Variants in RABGAP1L observed in about 807,000 individuals in gnomAD.
The protein encoded by RABGAP1L is RAB GTPase activating protein 1 like.
In RABGAP1L, 63 loss-of-function variants were observed where a neutral mutation model predicts 137.7. The observed-to-expected ratio is 0.46, with a 90% confidence interval of 0.37 to 0.56. The LOEUF is 0.56. RABGAP1L is among the 20% of genes least tolerant of loss of function. The probability of loss-of-function intolerance (pLI) is 0.00; values close to 1 mark genes in which losing one functional copy is unlikely to be tolerated. For synonymous variants in RABGAP1L, 431 were observed against 433.7 expected (o/e 0.99, Z 0.08); for missense variants, 1,095 against 1,244.0 (o/e 0.88, Z 1.80).
intron 15 of RABGAP1L, among the ~76,000 whole-genome samples, chr1:174,693,963 A>G (rs77028783): frequency 0.089 from 13,588 of 152,274 alleles, 825 homozygotes; most frequent in East Asian, 0.22. Context: ...TGCAGGTTCA[A>G]CCAATCGTGG....
chr1:174,917,436 C>T (rs947568441), intron 19 of RABGAP1L, among the ~76,000 whole-genome samples: 1 of 152,072 alleles, frequency 6.6e-6, no homozygotes, highest in Non-Finnish European at 1.5e-5. Context: ...ACTGTTATGG[C>T]GATTGCAAAG....
At chr1:174,283,288 C>A (rs375016897) in intron 10 of RABGAP1L, among the ~76,000 whole-genome samples, 1 of 151,208 alleles carries the variant, frequency 6.6e-6, no homozygotes, top group South Asian at 2.2e-4. Flanking sequence ...CACCTGTGGT[C>A]CCAGCTTCTC....
rs531074898 is a variant in RABGAP1L at position 174,809,584 on chromosome 1, G to T, written c.2212-2248G>T. On this transcript the variant is annotated intron_variant, in intron 18 of 25. Transcript: ENST00000681986. ...AGAAGAGATCGCCCATCACCATTTT[G>T]GGGCATCTGTTTCCAGGTAACTAGA... is the stretch of plus-strand genomic sequence containing the variant. Among the ~76,000 whole-genome samples, 3 of 152,254 alleles carry T rather than the reference G, an allele frequency of 2.0e-5. No individual in the cohort carries two copies. The East Asian group carries it at 5.8e-4, about 29-fold the overall frequency.
chr1:174,414,150 C>G (rs1459077607), intron 13 of RABGAP1L, among the ~76,000 whole-genome samples: 1 of 152,012 alleles, frequency 6.6e-6, no homozygotes, highest in East Asian at 1.9e-4. Flanking sequence ...TTCGTGCATT[C>G]ATGATATAAT....
chr1:174,174,235 A>ACACAC (rs1665655586), intron 1 of RABGAP1L, among the ~76,000 whole-genome samples: 1 of 143,084 alleles, frequency 7.0e-6, no homozygotes, highest in South Asian at 2.3e-4. Flanking sequence ...CACACACACA[A>ACACAC]CTGAATAAGT....
chr1:174,375,182 A>G (rs1685418289), intron 12 of RABGAP1L, among the ~76,000 whole-genome samples: 1 of 152,082 alleles, frequency 6.6e-6, no homozygotes, highest in African/African-American at 2.4e-5. Context: ...ACTATAAACA[A>G]AATTTAATAT....
chr1:174,879,753 G>A (rs1417505194), intron 19 of RABGAP1L, among the ~76,000 whole-genome samples: 3 of 152,020 alleles, frequency 2.0e-5, no homozygotes, highest in Non-Finnish European at 4.4e-5. Context: ...AAAAAGATTT[G>A]CAAAAAGCAA....
At chr1:174,522,926 C>A (rs2147853980) in intron 13 of RABGAP1L, among the ~76,000 whole-genome samples, 1 of 152,304 alleles carries the variant, frequency 6.6e-6, no homozygotes, top group East Asian at 1.9e-4. Flanking sequence ...ACCTAAGCCT[C>A]ACCTCCAACA....
chr1:174,730,342 T>C (rs1682357957), intron 17 of RABGAP1L, among the ~76,000 whole-genome samples: 1 of 152,112 alleles, frequency 6.6e-6, no homozygotes, highest in Non-Finnish European at 1.5e-5. Context: ...GGAACAAGGG[T>C]TGACAAGCTA....
In RABGAP1L at chr1:174,682,598, C is replaced by T. The variant is rs948763624; in HGVS notation, c.1825-924C>T. Among the ~76,000 whole-genome samples the T allele has an allele frequency of 3.3e-5, 5 of 152,200 alleles. No homozygotes were observed. The South Asian group carries it at 1.0e-3, about 32-fold the overall frequency. ...CTCCTATTCTTTACCCTTTGATCTG[C>T]ACACTCTACCTACTGTAACTGATTC... On this transcript the variant is annotated intron_variant, in intron 14 of 25. Transcript: ENST00000681986.
chr1:174,816,978 C>T (rs1690496103), intron 19 of RABGAP1L, among the ~76,000 whole-genome samples: 1 of 152,192 alleles, frequency 6.6e-6, no homozygotes, highest in Admixed American at 6.5e-5. Flanking sequence ...ATCCACCCAC[C>T]TTGGCTTCCC....
intron 5 of RABGAP1L, 116 bp downstream of exon 5, chr1:174,241,773 A>G: frequency 2.2e-6 from 2 of 927,216 alleles, no homozygotes; most frequent in Non-Finnish European, 3.1e-6. Flanking sequence ...GTTTCTAAAG[A>G]CAAAATTAAT....
chr1:174,842,063 T>C (rs1693472020), intron 19 of RABGAP1L, among the ~76,000 whole-genome samples: 1 of 152,198 alleles, frequency 6.6e-6, no homozygotes, highest in African/African-American at 2.4e-5. Context: ...AGTTATTTCA[T>C]GTTTTCTCAA....
intron 14 of RABGAP1L, among the ~76,000 whole-genome samples, chr1:174,675,095 A>G (rs1182440562): frequency 1.3e-5 from 2 of 152,018 alleles, no homozygotes; most frequent in African/African-American, 4.8e-5. Flanking sequence ...TAGTTTAATT[A>G]GATCCCATTT....
intron 19 of RABGAP1L, among the ~76,000 whole-genome samples, chr1:174,855,436 T>C (rs1649137152): frequency 6.6e-6 from 1 of 152,198 alleles, no homozygotes; most frequent in Non-Finnish European, 1.5e-5. Flanking sequence ...GGGCAAGACA[T>C]GGTTTTAGTT....
intron 12 of RABGAP1L, among the ~76,000 whole-genome samples, chr1:174,377,525 G>C (rs1685654028): frequency 6.6e-6 from 1 of 152,118 alleles, no homozygotes; most frequent in Non-Finnish European, 1.5e-5. Flanking sequence ...AGAAAAGAGA[G>C]TTCAGAAATA....
intron 19 of RABGAP1L, among the ~76,000 whole-genome samples, chr1:174,877,937 G>C: frequency 6.6e-6 from 1 of 152,110 alleles, no homozygotes; most frequent in East Asian, 1.9e-4. Context: ...GAAGTGTAAC[G>C]TTTCTACCAG....
intron 19 of RABGAP1L, among the ~76,000 whole-genome samples, chr1:174,907,552 T>A (rs1226572103): frequency 6.6e-6 from 1 of 152,136 alleles, no homozygotes; most frequent in Non-Finnish European, 1.5e-5. Flanking sequence ...TGGACTCAAA[T>A]GATCCACCCA....
intron 11 of RABGAP1L, among the ~76,000 whole-genome samples, chr1:174,351,950 G>A (rs1157969704): frequency 4.0e-5 from 6 of 151,694 alleles, no homozygotes; most frequent in Admixed American, 6.6e-5. Flanking sequence ...TACAGGCGCC[G>A]GCCACCACAC....
Sources: gnomAD v4.1 joint callset for allele counts (sites outside exome capture counted in the v4.1 genomes callset) on GRCh38, gnomAD v4.1.1 for gene constraint, MANE v1.5 for transcripts, NCBI Gene and HGNC (gene_info 2026-07-23, HGNC 2026-07-21) for gene names.